The following PIKFYVE variants were observed in gnomAD, a reference collection of about 807,000 sequenced individuals.
The protein encoded by PIKFYVE is 1-phosphatidylinositol 3-phosphate 5-kinase.
A neutral mutation model predicts 257.9 loss-of-function variants in PIKFYVE; 122 were observed. That is an observed-to-expected ratio of 0.47 (90% CI 0.41 to 0.55). The LOEUF (loss-of-function observed/expected upper bound fraction) is 0.55. Ranked by LOEUF, PIKFYVE falls within the 20% of genes least tolerant of loss-of-function variation. PIKFYVE has a pLI of 0.00. For synonymous variants in PIKFYVE, 892 were observed against 868.9 expected, an observed-to-expected ratio of 1.03 and a Z score of -0.47; for missense variants, 2,160 against 2,536.6, an observed-to-expected ratio of 0.85 and a Z score of 3.19.
At position 208,342,058 on chromosome 2, in the gene PIKFYVE, G is replaced by A. The variant is rs1354766971; in HGVS notation, c.4932-496G>A. Among the ~76,000 whole-genome samples the A allele has an allele frequency of 2.6e-5, 4 of 151,992 alleles. No homozygotes were observed. The East Asian group carries it at 7.7e-4, about 29-fold the overall frequency. ...TGGCATGTTTGGTGTTCAGTAAGTA[G>A]CACCTAAATTAAAAATGACTGTGCC... is the stretch of plus-strand genomic sequence containing the variant. On this transcript the variant is annotated intron_variant, in intron 31 of 41. Coordinates refer to ENST00000264380, the MANE Select transcript of PIKFYVE (RefSeq NM_015040.4).
Position 208,326,272 on chromosome 2 carries a change from A to G in PIKFYVE, c.3461A>G (p.Asp1154Gly). The G allele has an allele frequency of 1.3e-6, 2 of 1,594,262 alleles. No homozygotes were observed. Among genetic ancestry groups the G allele is most frequent in the Non-Finnish European group, 1.7e-6 (2 of 1,170,188 alleles). Residue 1154 changes from aspartate (D) to glycine (G), a missense_variant, in exon 20 of 42, where the codon GAT becomes GGT. This residue lies in a region of PIKFYVE where 522 missense variants were observed against 514.6 expected (regional missense o/e 1.01). Coordinates refer to ENST00000264380, the MANE Select transcript of PIKFYVE (RefSeq NM_015040.4). ...CAGAGCTTGGGTAGAATGCTGGCCG[A>G]TTATCGAGCCAGAGGAGGAAGAATT... is the stretch of plus-strand genomic sequence containing the variant. ...DSQSLGRMLA[D>G]YRARGGRIQP... is the part of the protein sequence containing the mutation.
intron 38 of PIKFYVE, among the ~76,000 whole-genome samples, chr2:208,352,348 G>C (rs1699849602): frequency 6.6e-6 from 1 of 151,726 alleles, no homozygotes; most frequent in Non-Finnish European, 1.5e-5. Flanking sequence ...ACATAGTTTT[G>C]GGTTTTTTTT....
rs147789704 is a variant in PIKFYVE at position 208,352,665 on chromosome 2, G to A, written c.5727G>A (p.Ala1909=). Residue 1909 remains alanine (A), a synonymous_variant, in exon 39 of 42, where the codon GCG becomes GCA. Coordinates refer to ENST00000264380, the MANE Select transcript of PIKFYVE (RefSeq NM_015040.4). ...CTTCTCTTGATTAGAGGCCCACGGC[G>A]TTGGCCAAAATTCTTGGAGTTTACA... ...TNAVQQKRPT[A]LAKILGVYRI... 8.2e-5 allele frequency: 133 copies of A among 1,613,518 alleles called. No homozygotes were observed. Among genetic ancestry groups the A allele is most frequent in the Middle Eastern group, 6.6e-4 (4 of 6,054 alleles).
chr2:208,266,331 C>G lies in PIKFYVE; in HGVS notation c.-94C>G, dbSNP rs1352107460. ...GCGGCCTGAGGAGCCCACCGCCGCTCTCGGGGGCCGACTTCCGGGGGCTGA... is the reference window on the plus strand; with the variant it reads ...GCGGCCTGAGGAGCCCACCGCCGCTGTCGGGGGCCGACTTCCGGGGGCTGA... On this transcript the variant is annotated 5_prime_UTR_variant, in exon 1 of 42. Transcript: ENST00000264380. 1 of 152,332 alleles carries G rather than the reference C, an allele frequency of 6.6e-6. No homozygotes were observed. Among genetic ancestry groups the G allele is most frequent in the Non-Finnish European group, 1.5e-5 (1 of 68,146 alleles). 9.4% of individuals were successfully genotyped at this position (152,332 alleles called of 1,614,324 possible).
chr2:208,274,169 C>G lies in PIKFYVE; in HGVS notation c.322+436C>G, dbSNP rs958212070. ...AACTCCATTATTGGGCTGCCACTTG[C>G]TCTTGGCCTTCTGTCCTTGTTGGGG... On this transcript the variant is annotated intron_variant, in intron 3 of 41. Transcript: ENST00000264380. 7 of 1,138,538 alleles carry G rather than the reference C, an allele frequency of 6.1e-6. No homozygotes were observed. The African/African-American group carries it at 1.1e-4, about 18-fold the overall frequency. 70.5% of individuals were successfully genotyped at this position (1,138,538 alleles called of 1,614,324 possible).
Position 208,341,470 on chromosome 2 carries a change from C to T in PIKFYVE, c.4932-1084C>T, listed in dbSNP as rs370154044. ...AGTCAGAGTAGGTTTCTATTATATG[C>T]TCTTATGATTCCTGTCTTGGTCCGT... On this transcript the variant is annotated intron_variant, in intron 31 of 41. Transcript: ENST00000264380. Among the ~76,000 whole-genome samples, 214 of 152,190 alleles carry T rather than the reference C, an allele frequency of 1.4e-3. 6 individuals are homozygous for T. In the South Asian group the frequency reaches 0.018, roughly 13 times the overall value.
In PIKFYVE at chr2:208,300,947, A is replaced by T; in HGVS notation, c.1061A>T (p.Gln354Leu). Residue 354 changes from glutamine to leucine, a missense_variant, in exon 9 of 42, where the codon CAG (glutamine) becomes CTG (leucine). By Grantham distance (113) the Gln-to-Leu change is moderately radical. This residue lies in a region of PIKFYVE where 187 missense variants were observed against 185.6 expected (regional missense o/e 1.01). Transcript: ENST00000264380. ...TTAATGTGATTGCAGGACAGTGTGC[A>T]GTTAAAAGACCTGTGGAAAAAAATC... is the stretch of plus-strand genomic sequence containing the variant. ...DERKILLDSV[Q>L]LKDLWKKICH... 6.2e-7 allele frequency: 1 copy of T among 1,614,124 alleles called. No individual in the cohort carries two copies. The highest frequency in any genetic ancestry group is 1.3e-5 in the African/African-American group (1 of 75,052).
rs1347438046 is a variant in PIKFYVE at position 208,298,723 on chromosome 2, G to C, written c.994G>C (p.Ala332Pro). ...ATATGAGACATCTGTCAGTCCCCAG[G>C]CTAACCGAACATATGTTAGGACAGA... ...PSYETSVSPQ[A>P]NRTYVRTETT... Residue 332 changes from alanine to proline, a missense_variant, in exon 8 of 42, where the codon GCT becomes CCT. By Grantham distance (27) the Ala-to-Pro change is conservative. Transcript: ENST00000264380. 1 of 1,614,044 alleles carries C rather than the reference G, an allele frequency of 6.2e-7. No homozygotes were observed.
rs1362747800 is a variant in PIKFYVE, at chr2:208,358,011, C to T, written c.*2706C>T. On this transcript the variant is annotated 3_prime_UTR_variant, in exon 42 of 42. Transcript: ENST00000264380. ...TCTGACCTAAGAAAAATAATGAGAA[C>T]AAGCTGTTGCAAGCTCTTTTGTAGT... The T allele has an allele frequency of 2.0e-5, 3 of 152,144 alleles. No homozygotes were observed. Among genetic ancestry groups the T allele is most frequent in the Non-Finnish European group, 2.9e-5 (2 of 68,024 alleles). The allele number at this position is 152,144 out of a possible 1,614,324, so 9.4% of individuals were successfully genotyped here. A position where few individuals can be genotyped will look rare whatever the true frequency, so the allele number is the denominator to read the frequency against.
chr2:208,321,074 C>T (rs1451189275), intron 17 of PIKFYVE, among the ~76,000 whole-genome samples: 1 of 152,136 alleles, frequency 6.6e-6, no homozygotes, highest in Non-Finnish European at 1.5e-5. Flanking sequence ...TGCCTGGGCT[C>T]TCCATGATTC....
chr2:208,322,212 C>T (rs1978823), intron 17 of PIKFYVE, among the ~76,000 whole-genome samples: 149,482 of 151,832 alleles, frequency 0.98, 73,618 homozygotes, highest in East Asian at 1. Flanking sequence ...AGACTCTGTT[C>T]CTACAAAAAA....
chr2:208,320,186 A>T (rs1023282758), intron 16 of PIKFYVE, 66 bp from the exon 17 acceptor site: 3 of 1,562,522 alleles, frequency 1.9e-6, no homozygotes, highest in African/African-American at 2.7e-5. Context: ...ATTTAAAGTT[A>T]TAATTAAAGG....
chr2:208,330,152 C>T (rs915609007), intron 22 of PIKFYVE, among the ~76,000 whole-genome samples: 1 of 152,114 alleles, frequency 6.6e-6, no homozygotes, highest in Non-Finnish European at 1.5e-5. Context: ...CAACATTTTT[C>T]GGATACCTGT....
chr2:208,354,677 C>T, intron 41 of PIKFYVE, 32 bp downstream of exon 41: 1 of 1,536,968 alleles, frequency 6.5e-7, no homozygotes, highest in Non-Finnish European at 9.0e-7. Flanking sequence ...AAATTGTTCA[C>T]ATGTATTTCT....
At chr2:208,277,119 G>A (rs1258007527) in intron 4 of PIKFYVE, among the ~76,000 whole-genome samples, 2 of 152,136 alleles carry the variant, frequency 1.3e-5, no homozygotes, top group East Asian at 3.8e-4. Context: ...TTTCTGTCAA[G>A]TATAGGGGTC....
chr2:208,280,785 A>C (rs1353713465), intron 5 of PIKFYVE, among the ~76,000 whole-genome samples: 1 of 152,202 alleles, frequency 6.6e-6, no homozygotes, highest in Non-Finnish European at 1.5e-5. Context: ...CCCTTATACA[A>C]ATCAAGTAAG....
In PIKFYVE at chr2:208,325,370, G is replaced by A; in HGVS notation, c.2559G>A (p.Lys853=). The part of the protein sequence containing the change: ...GGSDYELARV[K]EILIFMICVA... ...CTGATTATGAGCTGGCTCGAGTTAA[G>A]GAGATCCTAATATTTATGATCTGTG... Residue 853 remains lysine (K), a synonymous_variant, in exon 20 of 42, where the codon AAG becomes AAA. Transcript: ENST00000264380. 6.2e-7 allele frequency: 1 copy of A among 1,614,044 alleles called. No individual in the cohort carries two copies. Among genetic ancestry groups the A allele is most frequent in the Non-Finnish European group, 8.5e-7 (1 of 1,179,922 alleles).
chr2:208,346,213 ATACAT>A, intron 34 of PIKFYVE, 66 bp downstream of exon 34: 1 of 1,279,804 alleles, frequency 7.8e-7, no homozygotes, highest in Non-Finnish European at 1.1e-6. Context: ...GAAAAAGAAA[ATACAT>A]AAAAACAAAT....
Position 208,285,873 on chromosome 2 carries a change from C to T in PIKFYVE, c.761C>T (p.Pro254Leu). Residue 254 changes from proline (P) to leucine (L), a missense_variant, in exon 6 of 42, where the codon CCT (proline) becomes CTT (leucine). Coordinates refer to ENST00000264380, the MANE Select transcript of PIKFYVE (RefSeq NM_015040.4). ...SVLDPSEPRT[P>L]VGSRKASRNI... ...CTTGATCCAAGTGAACCCCGAACACCTGTTGGGAGTAGGAAAGCCAGCCGT... is the reference window on the plus strand; with the variant it reads ...CTTGATCCAAGTGAACCCCGAACACTTGTTGGGAGTAGGAAAGCCAGCCGT... 1 of 1,614,044 alleles carries T rather than the reference C, an allele frequency of 6.2e-7. No individual in the cohort carries two copies. The highest frequency in any genetic ancestry group is 1.1e-5 in the South Asian group (1 of 91,078).
Sources: gnomAD v4.1 joint callset for allele counts (sites outside exome capture counted in the v4.1 genomes callset) on GRCh38, gnomAD v4.1.1 for gene constraint, gnomAD v4.1.1 regional missense constraint, MANE v1.5 for transcripts, NCBI Gene and HGNC (gene_info 2026-07-23, HGNC 2026-07-21) for gene names.